AFF2: variants seen among roughly 807,000 people sequenced by gnomAD.
AFF2 encodes ALF transcription elongation factor 2.
Under a neutral mutation model 76.9 loss-of-function variants are expected in AFF2, and 14 were observed. That is an observed-to-expected ratio of 0.18 (90% CI 0.12 to 0.28). The LOEUF (loss-of-function observed/expected upper bound fraction) is 0.28. Among genes scored for constraint, AFF2 ranks in the 10% least tolerant of loss-of-function variants. The probability of loss-of-function intolerance (pLI) is 1.00; values close to 1 mark genes in which losing one functional copy is unlikely to be tolerated. For synonymous variants in AFF2, 398 were observed against 366.7 expected (o/e 1.09, Z -0.98); for missense variants, 868 against 1,001.1 (o/e 0.87, Z 1.79).
At chrX:148,716,623 A>T (rs782798321) in intron 3 of AFF2, among the ~76,000 whole-genome samples, 5 of 111,444 alleles carry the variant, frequency 4.5e-5, no homozygotes, top group Non-Finnish European at 9.4e-5. Context: ...TTACTCAAGG[A>T]ATTACAACTC....
intron 3 of AFF2, among the ~76,000 whole-genome samples, chrX:148,717,449 G>A (rs1202226015): frequency 1.8e-5 from 2 of 111,869 alleles, no homozygotes; most frequent in African/African-American, 3.3e-5. Context: ...TCTCCTTTTC[G>A]GGTGATGAAA....
At chrX:148,643,766 G>T (rs1307594020) in intron 1 of AFF2, among the ~76,000 whole-genome samples, 2 of 111,613 alleles carry the variant, frequency 1.8e-5, no homozygotes, top group East Asian at 5.6e-4. Flanking sequence ...ATTCTGAGCT[G>T]CTTGGGGGAG....
intron 3 of AFF2, among the ~76,000 whole-genome samples, chrX:148,781,586 G>C (rs924059087): frequency 1.3e-4 from 15 of 112,000 alleles, no homozygotes; most frequent in Non-Finnish European, 3.8e-5. Context: ...TCAGACTGCT[G>C]TGCTGGGGCA....
chrX:148,653,936 A>G (rs183447438), intron 2 of AFF2, among the ~76,000 whole-genome samples: 14 of 111,764 alleles, frequency 1.3e-4, no homozygotes, highest in Admixed American at 4.8e-4. Flanking sequence ...AGAGCTATCC[A>G]GAAGGCTTGG....
At chrX:148,723,272 C>T (rs782638317) in intron 3 of AFF2, among the ~76,000 whole-genome samples, 7 of 111,938 alleles carry the variant, frequency 6.3e-5, no homozygotes, top group African/African-American at 1.9e-4. Context: ...GATTCCCTAA[C>T]GTCCTCTGGC....
rs2072550718 is a variant in AFF2 at position 148,992,994 on chromosome X, G to A, written c.*1662G>A. ...TTGTGTGATTATTAAAGCCAGCCAT[G>A]CAGGTCCATGATAGAAACAGCAGGT... On this transcript the variant is annotated 3_prime_UTR_variant, in exon 21 of 21. Transcript: ENST00000370460. 1 of 112,875 alleles carries A rather than the reference G, an allele frequency of 8.9e-6. No homozygotes were observed. Among genetic ancestry groups the A allele is most frequent in the African/African-American group, 3.2e-5 (1 of 30,957 alleles). 9.3% of individuals were successfully genotyped at this position (112,875 alleles called of 1,213,427 possible).
intron 1 of AFF2, among the ~76,000 whole-genome samples, chrX:148,574,232 C>A (rs782361213): frequency 9.0e-6 from 1 of 111,399 alleles, no homozygotes; most frequent in Non-Finnish European, 1.9e-5. Context: ...AACATTAATT[C>A]TCAACAATAT....
At chrX:148,988,910 C>T (rs2072504204) in intron 20 of AFF2, among the ~76,000 whole-genome samples, 1 of 112,209 alleles carries the variant, frequency 8.9e-6, no homozygotes, top group Non-Finnish European at 1.9e-5. Flanking sequence ...AAGAAACTCA[C>T]CCATGTTATC....
intron 3 of AFF2, among the ~76,000 whole-genome samples, chrX:148,808,366 T>C (rs181641265): frequency 1.8e-3 from 205 of 112,342 alleles, no homozygotes; most frequent in African/African-American, 6.4e-3. Flanking sequence ...AATTATTTGT[T>C]GAATGAATGA....
At chrX:148,911,486 A>G (rs2071468326) in intron 9 of AFF2, among the ~76,000 whole-genome samples, 2 of 111,791 alleles carry the variant, frequency 1.8e-5, no homozygotes, top group Non-Finnish European at 3.8e-5. Context: ...CTCCTTGAGA[A>G]TAAAAGGCTC....
In AFF2 at chrX:148,991,471, A is replaced by T. The variant is rs2072533088; in HGVS notation, c.*139A>T. The T allele has an allele frequency of 9.0e-6, 7 of 774,402 alleles. No individual in the cohort carries two copies. Among genetic ancestry groups the T allele is most frequent in the Non-Finnish European group, 1.2e-5 (7 of 571,836 alleles). The allele number at this position is 774,402 out of a possible 1,213,427, so 63.8% of individuals were successfully genotyped here. A position where few individuals can be genotyped will look rare whatever the true frequency, so the allele number is the denominator to read the frequency against. On this transcript the variant is annotated 3_prime_UTR_variant, in exon 21 of 21. Transcript: ENST00000370460. ...TTTTATGCTTCTTTTGTTATCTGTAAAAAACAGAAGTCATTGTAAGTTGAC... is the reference window on the plus strand; with the variant it reads ...TTTTATGCTTCTTTTGTTATCTGTATAAAACAGAAGTCATTGTAAGTTGAC...
chrX:148,845,168 A>T (rs1157335656), intron 7 of AFF2, among the ~76,000 whole-genome samples: 1 of 110,137 alleles, frequency 9.1e-6, no homozygotes, highest in African/African-American at 3.3e-5. Context: ...CATTTAGGAA[A>T]TCAACACAAG....
Position 148,905,147 on chromosome X carries a change from G to T in AFF2, c.1397+889G>T, listed in dbSNP as rs1203594406. Among the ~76,000 whole-genome samples, 4 of 112,326 alleles carry T rather than the reference G, an allele frequency of 3.6e-5. No homozygotes were observed. The Admixed American group carries it at 3.8e-4, about 11-fold the overall frequency. On this transcript the variant is annotated intron_variant, in intron 9 of 20. Coordinates refer to ENST00000370460, the MANE Select transcript of AFF2 (RefSeq NM_002025.4). ...AGAATGGATCAGCTAATGCCAACAA[G>T]AAATGTTTTTGTTTTGTATAATAAA... is the stretch of plus-strand genomic sequence containing the variant.
At chrX:148,708,830 A>G (rs1344564851) in intron 3 of AFF2, among the ~76,000 whole-genome samples, 10 of 112,551 alleles carry the variant, frequency 8.9e-5, no homozygotes, top group Admixed American at 4.7e-4. Flanking sequence ...GGAGTTTACC[A>G]CTTTCTTAGT....
At chrX:148,647,982 C>T in intron 1 of AFF2, among the ~76,000 whole-genome samples, 1 of 111,689 alleles carries the variant, frequency 9.0e-6, no homozygotes, top group Middle Eastern at 4.6e-3. Context: ...ATTTTATTGT[C>T]CCACCAATGA....
At position 148,801,452 on chromosome X, in the gene AFF2, A is replaced by G. The variant is rs988230269; in HGVS notation, c.1042-8424A>G. Among the ~76,000 whole-genome samples, 14 of 112,024 alleles carry G rather than the reference A, an allele frequency of 1.2e-4. No homozygotes were observed. In the South Asian group the frequency reaches 3.4e-3, roughly 27 times the overall value. ...CTGATGATCTTGCCGCATACTTCATAGAGAAAAATAAGATACAATCAGACA... is the reference window on the plus strand; with the variant it reads ...CTGATGATCTTGCCGCATACTTCATGGAGAAAAATAAGATACAATCAGACA... On this transcript the variant is annotated intron_variant, in intron 3 of 20. Transcript: ENST00000370460.
rs782278319 is a variant in AFF2 at position 148,939,445 on chromosome X, A to T, written c.1398-14135A>T. On this transcript the variant is annotated intron_variant, in intron 9 of 20. Transcript: ENST00000370460. ...TTTAACACTAATCTTTGTGTATATG[A>T]TGGAAATGTTACATTTGACTCTCAT... Among the ~76,000 whole-genome samples, 9 of 111,984 alleles carry T rather than the reference A, an allele frequency of 8.0e-5. No individual in the cohort carries two copies. The Admixed American group carries it at 8.5e-4, about 11-fold the overall frequency.
chrX:148,762,561 C>A (rs1340154060), intron 3 of AFF2, among the ~76,000 whole-genome samples: 1 of 107,036 alleles, frequency 9.3e-6, no homozygotes, highest in African/African-American at 3.5e-5. Flanking sequence ...TGAGCTGGTT[C>A]CATATTTTTG....
At position 148,953,670 on chromosome X, in the gene AFF2, G is replaced by T; in HGVS notation, c.1488G>T (p.Ser496=). Residue 496 remains serine, a synonymous_variant, in exon 10 of 21, where the codon TCG becomes TCT. Transcript: ENST00000370460. ...SSSESESSSE[S]DSDTESSTTD... is the part of the protein sequence containing the mutation. ...GCGAATCGGAGAGCAGCTCTGAGTC[G>T]GATTCAGACACTGAAAGTAGCACCA... is the stretch of plus-strand genomic sequence containing the variant. 1 of 1,210,810 alleles carries T rather than the reference G, an allele frequency of 8.3e-7. No homozygotes were observed. Among genetic ancestry groups the T allele is most frequent in the Non-Finnish European group, 1.1e-6 (1 of 895,116 alleles).
Sources: gnomAD v4.1 joint callset for allele counts (sites outside exome capture counted in the v4.1 genomes callset) on GRCh38, gnomAD v4.1.1 for gene constraint, MANE v1.5 for transcripts, NCBI Gene and HGNC (gene_info 2026-07-23, HGNC 2026-07-21) for gene names.